The following REDIC1 variants were observed in gnomAD, a reference collection of about 807,000 sequenced individuals.
The protein encoded by REDIC1 is regulator of DNA class I crossover intermediates 1, also known as HEI10 Interacting Protein 1.
chr12:39,721,323 T>C, the REDIC1 span: 2 of 1,287,860 alleles, frequency 1.6e-6, no homozygotes, highest in African/African-American at 3.0e-5. Context: ...GTTGAAAATT[T>C]CATTAACATG....
the REDIC1 span, among the ~76,000 whole-genome samples, chr12:39,773,884 G>A: frequency 1.4e-4 from 22 of 152,282 alleles, no homozygotes; most frequent in African/African-American, 2.6e-4. Context: ...ACTACAGTTC[G>A]TGTGACACAT....
the REDIC1 span, among the ~76,000 whole-genome samples, chr12:39,902,113 G>A: frequency 6.7e-6 from 1 of 148,222 alleles, no homozygotes; most frequent in Non-Finnish European, 1.5e-5. Flanking sequence ...AACACCGCAT[G>A]TTCTCACTCA....
At chr12:39,715,681 A>G in the REDIC1 span, among the ~76,000 whole-genome samples, 6 of 151,942 alleles carry the variant, frequency 3.9e-5, no homozygotes. Context: ...AAACTATACC[A>G]TAAGGCCATG....
At chr12:39,906,973 A>G in the REDIC1 span, among the ~76,000 whole-genome samples, 1 of 152,140 alleles carries the variant, frequency 6.6e-6, no homozygotes, top group African/African-American at 2.4e-5. Flanking sequence ...CAGTTGCTCC[A>G]ATTTTTGTCT....
chr12:39,868,670 G>T, the REDIC1 span, among the ~76,000 whole-genome samples: 1 of 152,208 alleles, frequency 6.6e-6, no homozygotes, highest in South Asian at 2.1e-4. Flanking sequence ...CAATCTTTCT[G>T]GCTTTCTGAT....
the REDIC1 span, among the ~76,000 whole-genome samples, chr12:39,902,301 T>G: frequency 6.6e-6 from 1 of 151,694 alleles, no homozygotes; most frequent in African/African-American, 2.4e-5. Flanking sequence ...GTAACTAACC[T>G]GCACATTGTG....
At chr12:39,867,990 T>C in the REDIC1 span, among the ~76,000 whole-genome samples, 1 of 152,368 alleles carries the variant, frequency 6.6e-6, no homozygotes, top group African/African-American at 2.4e-5. Flanking sequence ...CACTTAGTCC[T>C]ATCATCTACT....
At chr12:39,675,885 C>T in the REDIC1 span, among the ~76,000 whole-genome samples, 34 of 152,274 alleles carry the variant, frequency 2.2e-4, no homozygotes, top group Non-Finnish European at 4.4e-4. Flanking sequence ...CAGCCCCACC[C>T]ATAGGGGAAC....
chr12:39,711,450 T>TAC, the REDIC1 span, among the ~76,000 whole-genome samples: 5 of 48,164 alleles, frequency 1.0e-4, no homozygotes, highest in Non-Finnish European at 2.6e-4. Flanking sequence ...TGTGTACATA[T>TAC]ATACACATAT....
chr12:39,796,615 A>G, the REDIC1 span, among the ~76,000 whole-genome samples: 4 of 152,032 alleles, frequency 2.6e-5, no homozygotes, highest in Non-Finnish European at 5.9e-5. Flanking sequence ...ATAATACCCT[A>G]GTCACTACTG....
the REDIC1 span, among the ~76,000 whole-genome samples, chr12:39,751,359 C>A: frequency 6.6e-6 from 1 of 152,204 alleles, no homozygotes; most frequent in African/African-American, 2.4e-5. Flanking sequence ...GATACCATCT[C>A]ACACACCAGT....
chr12:39,643,653 T>A, the REDIC1 span: 27 of 709,322 alleles, frequency 3.8e-5, no homozygotes, highest in Admixed American at 7.3e-4. Flanking sequence ...TATAAACATA[T>A]AAAGATGTCA....
the REDIC1 span, among the ~76,000 whole-genome samples, chr12:39,822,986 C>T: frequency 2.0e-5 from 3 of 152,106 alleles, no homozygotes; most frequent in East Asian, 1.9e-4. Context: ...AAATAGTATC[C>T]GAGTCTGCAA....
chr12:39,831,663 GA>G, the REDIC1 span, among the ~76,000 whole-genome samples: 1 of 152,036 alleles, frequency 6.6e-6, no homozygotes, highest in Non-Finnish European at 1.5e-5. Context: ...AATCATGGGG[GA>G]AAGATCCCTC....
the REDIC1 span, among the ~76,000 whole-genome samples, chr12:39,767,437 C>T: frequency 3.8e-4 from 57 of 151,822 alleles, no homozygotes; most frequent in African/African-American, 1.4e-3. Flanking sequence ...TTTAGCCCTT[C>T]TTAAGGGCTC....
At chr12:39,750,260 C>G in the REDIC1 span, among the ~76,000 whole-genome samples, 1 of 152,174 alleles carries the variant, frequency 6.6e-6, no homozygotes, top group South Asian at 2.1e-4. Flanking sequence ...CACAAGGATT[C>G]TTATACACCA....
chr12:39,681,545 G>C, the REDIC1 span, among the ~76,000 whole-genome samples: 1 of 152,174 alleles, frequency 6.6e-6, no homozygotes, highest in Non-Finnish European at 1.5e-5. Flanking sequence ...TTTATGTAGA[G>C]TAACAGATAT....
At chr12:39,634,736 A>G in the REDIC1 span, among the ~76,000 whole-genome samples, 1 of 152,208 alleles carries the variant, frequency 6.6e-6, no homozygotes, top group African/African-American at 2.4e-5. Context: ...CAAAGACTTC[A>G]TGACTAAAAC....
the REDIC1 span, chr12:39,830,600 G>T: frequency 2.2e-6 from 1 of 450,298 alleles, no homozygotes; most frequent in Non-Finnish European, 3.0e-6. Context: ...CTGGTTCCAA[G>T]TTGCATCAAA....
Sources: allele counts gnomAD v4.1 joint callset (sites outside exome capture counted in the v4.1 genomes callset), GRCh38; gene constraint gnomAD v4.1.1; transcripts MANE v1.5; gene names NCBI Gene and HGNC (gene_info 2026-07-23, HGNC 2026-07-21).